Variants in SLC5A1 observed in about 807,000 individuals in gnomAD.
The protein encoded by SLC5A1 is sodium/glucose cotransporter 1.
Under a neutral mutation model 73.5 loss-of-function variants are expected in SLC5A1, and 42 were observed. The observed-to-expected ratio is 0.57, with a 90% confidence interval of 0.45 to 0.74. SLC5A1 has a LOEUF of 0.74. Ranked by LOEUF, SLC5A1 falls within the 30% of genes least tolerant of loss-of-function variation. The pLI, the probability that SLC5A1 is intolerant of heterozygous loss-of-function variation, is 0.00. For missense variants in SLC5A1, 634 were observed against 855.4 expected, an observed-to-expected ratio of 0.74 and a Z score of 3.23; for synonymous variants, 300 against 317.4, an observed-to-expected ratio of 0.95 and a Z score of 0.58.
rs766972416 is a variant in SLC5A1 at position 32,049,978 on chromosome 22, C to T, written c.171C>T (p.Gly57=). 9 of 1,614,128 alleles carry T rather than the reference C, an allele frequency of 5.6e-6. No homozygotes were observed. Among genetic ancestry groups the T allele is most frequent in the Non-Finnish European group, 7.6e-6 (9 of 1,179,986 alleles). Residue 57 remains glycine (G), a synonymous_variant, in exon 2 of 15, where the codon GGC becomes GGT. Coordinates refer to ENST00000266088, the MANE Select transcript of SLC5A1 (RefSeq NM_000343.4). ...CCACCAATCGTGGGACTGTTGGAGG[C>T]TTCTTCCTGGCAGGCCGAAGTATGG... ...MFSTNRGTVG[G]FFLAGRSMVW...
intron 1 of SLC5A1, among the ~76,000 whole-genome samples, chr22:32,044,537 G>C (rs1436564097): frequency 2.0e-5 from 3 of 150,696 alleles, no homozygotes; most frequent in Non-Finnish European, 4.4e-5. Context: ...TTTTCCAAAG[G>C]AATTGTAGAA....
chr22:32,101,991 G>T (rs1330414946), intron 12 of SLC5A1, 31 bp from the exon 13 acceptor site: 2 of 1,533,080 alleles, frequency 1.3e-6, no homozygotes, highest in African/African-American at 1.4e-5. Flanking sequence ...TGTGTGTTCA[G>T]CATGAGTTAA....
chr22:32,085,091 C>T, intron 9 of SLC5A1, 56 bp downstream of exon 9: 4 of 1,602,756 alleles, frequency 2.5e-6, no homozygotes, highest in Non-Finnish European at 3.4e-6. Context: ...CTCCAAGTCA[C>T]TTCTAAAGCT....
chr22:32,099,531 T>G (rs1365463711), intron 12 of SLC5A1, among the ~76,000 whole-genome samples, 180 bp downstream of exon 12: 3 of 151,500 alleles, frequency 2.0e-5, no homozygotes, highest in African/African-American at 4.9e-5. Context: ...TGGAGTGAGC[T>G]CCTCGGGAGT....
intron 8 of SLC5A1, 107 bp downstream of exon 8, chr22:32,084,766 G>A: frequency 6.6e-7 from 1 of 1,508,252 alleles, no homozygotes; most frequent in East Asian, 2.3e-5. Context: ...GAGAGCTCAG[G>A]TGGTTTGTAA....
At chr22:32,053,222 AC>A (rs1393559964) in intron 2 of SLC5A1, among the ~76,000 whole-genome samples, 1 of 152,134 alleles carries the variant, frequency 6.6e-6, no homozygotes, top group African/African-American at 2.4e-5. Flanking sequence ...TTGGGTTATC[AC>A]AGCAGTGTCT....
intron 2 of SLC5A1, among the ~76,000 whole-genome samples, chr22:32,060,995 G>A (rs553797662): frequency 6.6e-6 from 1 of 152,130 alleles, no homozygotes; most frequent in Non-Finnish European, 1.5e-5. Context: ...CTCAAACTTT[G>A]TTGGGCATAA....
intron 5 of SLC5A1, among the ~76,000 whole-genome samples, chr22:32,070,875 G>A (rs1458930833): frequency 6.6e-6 from 1 of 151,880 alleles, no homozygotes; most frequent in African/African-American, 2.4e-5. Context: ...TTAAAGCAAT[G>A]GTATGAAAAG....
intron 11 of SLC5A1, among the ~76,000 whole-genome samples, chr22:32,092,675 G>A (rs1015962835): frequency 6.6e-6 from 1 of 151,934 alleles, no homozygotes; most frequent in Non-Finnish European, 1.5e-5. Flanking sequence ...TTGTTAATTT[G>A]TTTGAAATTT....
intron 2 of SLC5A1, among the ~76,000 whole-genome samples, chr22:32,051,141 C>T (rs772034070): frequency 2.0e-5 from 3 of 152,178 alleles, no homozygotes; most frequent in Admixed American, 1.3e-4. Flanking sequence ...TCACACCTAC[C>T]AGGACTACTG....
At chr22:32,047,358 G>C (rs2093938532) in intron 1 of SLC5A1, among the ~76,000 whole-genome samples, 1 of 151,128 alleles carries the variant, frequency 6.6e-6, no homozygotes, top group Non-Finnish European at 1.5e-5. Context: ...CTTCCTCTAA[G>C]CTCTTCATTT....
intron 5 of SLC5A1, among the ~76,000 whole-genome samples, chr22:32,079,937 C>T (rs80272272): frequency 0.045 from 6,830 of 152,246 alleles, 208 homozygotes; most frequent in Non-Finnish European, 0.071. Flanking sequence ...AGAATGGAAG[C>T]GGTCCAGAAC....
rs1045791303 is a variant in SLC5A1 at position 32,075,070 on chromosome 22, CT to C, written c.477+6494del. ...TGCCACCATGCCCAGCTATTTTTTA[CT>C]TTTTTTTTTTTTTTTTTTTTTTTAG... On this transcript the variant is annotated intron_variant, in intron 5 of 14. Coordinates refer to ENST00000266088, the MANE Select transcript of SLC5A1 (RefSeq NM_000343.4). 7.2e-3 allele frequency among the ~76,000 whole-genome samples: 779 copies of C among 107,678 alleles called. 1 individual carries two copies. The highest frequency in any genetic ancestry group is 0.012 in the African/African-American group (367 of 29,388). 70.6% of individuals were successfully genotyped at this position (107,678 alleles called of 152,430 possible). A position where few individuals can be genotyped will look rare whatever the true frequency, so the allele number is the denominator to read the frequency against.
At chr22:32,076,944 G>C (rs1312271186) in intron 5 of SLC5A1, among the ~76,000 whole-genome samples, 1 of 152,178 alleles carries the variant, frequency 6.6e-6, no homozygotes, top group Non-Finnish European at 1.5e-5. Flanking sequence ...TCCAACACAC[G>C]ATCTATTTTT....
At position 32,112,908 on chromosome 22, in the gene SLC5A1, G is replaced by C. The variant is rs1603151693; in HGVS notation, c.*2695G>C. On this transcript the variant is annotated 3_prime_UTR_variant, in exon 15 of 15. Coordinates refer to ENST00000266088, the MANE Select transcript of SLC5A1 (RefSeq NM_000343.4). ...CCACAAAAAAATATGTGCAGTAATA[G>C]ATGTTAATTACCTTAATTTAGTCAT... 1 of 152,150 alleles carries C rather than the reference G, an allele frequency of 6.6e-6. No homozygotes were observed. The allele number at this position is 152,150 out of a possible 1,614,324, so 9.4% of individuals were successfully genotyped here.
chr22:32,086,176 T>C lies in SLC5A1; in HGVS notation c.1022-44T>C, dbSNP rs33990620. 36 of 1,206,382 alleles carry C rather than the reference T, an allele frequency of 3.0e-5. No homozygotes were observed. The Admixed American group carries it at 5.9e-4, about 20-fold the overall frequency. 74.7% of individuals were successfully genotyped at this position (1,206,382 alleles called of 1,614,324 possible). On this transcript the variant is annotated intron_variant, in intron 9 of 14. Transcript: ENST00000266088. ...AAAGAAGGTGAATTTTGGAAATATT[T>C]CCCCAATGTCTGCTTGCTGACGTGG...
chr22:32,050,784 C>T (rs2093944106), intron 2 of SLC5A1, among the ~76,000 whole-genome samples: 2 of 152,222 alleles, frequency 1.3e-5, no homozygotes, highest in Non-Finnish European at 1.5e-5. Context: ...CAAGAAGAGT[C>T]AGCTTACATA....
intron 14 of SLC5A1, among the ~76,000 whole-genome samples, chr22:32,106,838 C>G (rs948785291): frequency 1.3e-5 from 2 of 152,130 alleles, no homozygotes; most frequent in Admixed American, 1.3e-4. Context: ...TGTGCTTTAC[C>G]TGGTGCTGGG....
chr22:32,058,063 G>A (rs1287384900), intron 2 of SLC5A1, among the ~76,000 whole-genome samples: 2 of 152,046 alleles, frequency 1.3e-5, no homozygotes, highest in Non-Finnish European at 2.9e-5. Flanking sequence ...GTCTTCCCAA[G>A]ATAATCATTG....
Sources: allele counts gnomAD v4.1 joint callset (sites outside exome capture counted in the v4.1 genomes callset), GRCh38; gene constraint gnomAD v4.1.1; transcripts MANE v1.5; gene names NCBI Gene and HGNC (gene_info 2026-07-23, HGNC 2026-07-21).